TKFC: variants seen among roughly 807,000 people sequenced by gnomAD.
TKFC encodes triokinase and FMN cyclase.
TKFC carries 46 observed loss-of-function variants against 61.0 expected under a neutral mutation model. That is an observed-to-expected ratio of 0.75 (90% CI 0.60 to 0.96). The LOEUF is 0.96. Ranked by LOEUF, TKFC falls within the 50% of genes least tolerant of loss-of-function variation. The pLI, the probability that TKFC is intolerant of heterozygous loss-of-function variation, is 0.00. For synonymous variants in TKFC, 314 were observed against 330.1 expected, an observed-to-expected ratio of 0.95 and a Z score of 0.53; for missense variants, 715 against 777.5, an observed-to-expected ratio of 0.92 and a Z score of 0.96.
rs1385350899 is a variant in TKFC, at chr11:61,345,891, A to C, written c.1520A>C (p.Gln507Pro). 1 of 1,614,142 alleles carries C rather than the reference A, an allele frequency of 6.2e-7. No individual in the cohort carries two copies. Among genetic ancestry groups the C allele is most frequent in the South Asian group, 1.1e-5 (1 of 91,088 alleles). The change falls in exon 17 of 18, where the codon CAA becomes CCA. Residue 507 changes from glutamine (Q) to proline (P), a missense_variant. Physicochemically the swap from Gln to Pro is moderately conservative, Grantham distance 76. Coordinates refer to ENST00000394900, the MANE Select transcript of TKFC (RefSeq NM_015533.4). ...DSLWAAGQELQAWKSPGADLL... is the reference protein window; with the variant it reads ...DSLWAAGQELPAWKSPGADLL... ...CTGTGGGCAGCGGGGCAGGAGCTCC[A>C]AGCCTGGAAGAGCCCAGGAGCTGAT...
At position 61,345,913 on chromosome 11, in the gene TKFC, T is replaced by G; in HGVS notation, c.1542T>G (p.Ala514=). 1.2e-6 allele frequency: 2 copies of G among 1,614,060 alleles called. No homozygotes were observed. The highest frequency in any genetic ancestry group is 1.7e-6 in the Non-Finnish European group (2 of 1,180,030). ...QELQAWKSPG[A]DLLQVLTKAV... ...TCCAAGCCTGGAAGAGCCCAGGAGC[T>G]GATCTGTTACAAGTCCTGACCAAAG... Residue 514 remains alanine, a synonymous_variant, in exon 17 of 18, where the codon GCT becomes GCG. Coordinates refer to ENST00000394900, the MANE Select transcript of TKFC (RefSeq NM_015533.4).
At position 61,343,400 on chromosome 11, in the gene TKFC, G is replaced by T. The variant is rs1410515898; in HGVS notation, c.924G>T (p.Glu308Asp). Residue 308 changes from glutamate (E) to aspartate (D), a missense_variant, in exon 11 of 18, where the codon GAG (glutamate) becomes GAT (aspartate). Physicochemically the swap from Glu to Asp is conservative, Grantham distance 45. Transcript: ENST00000394900. Reference protein sequence around the residue: ...ALVGTFMSALEMPGISLTLLL... With the variant: ...ALVGTFMSALDMPGISLTLLL... ...TGGGCACCTTCATGTCAGCACTGGA[G>T]ATGCCTGGCATTTCTCTCACCCTCC... The T allele has an allele frequency of 2.9e-5, 47 of 1,614,104 alleles. No individual in the cohort carries two copies. Among genetic ancestry groups the T allele is most frequent in the Non-Finnish European group, 3.9e-5 (46 of 1,180,030 alleles).
chr11:61,348,904 G>C lies in TKFC; in HGVS notation c.*2401G>C, dbSNP rs1857268254. The C allele has an allele frequency of 6.6e-6, 1 of 152,566 alleles. No individual in the cohort carries two copies. Among genetic ancestry groups the C allele is most frequent in the African/African-American group, 2.4e-5 (1 of 41,458 alleles). The allele number at this position is 152,566 out of a possible 1,614,324, so 9.5% of individuals were successfully genotyped here. A position where few individuals can be genotyped will look rare whatever the true frequency, so the allele number is the denominator to read the frequency against. On this transcript the variant is annotated 3_prime_UTR_variant, in exon 18 of 18. Coordinates refer to ENST00000394900, the MANE Select transcript of TKFC (RefSeq NM_015533.4). ...GCTGGTCATGGGACCCAGGTGCCTG[G>C]AGGACATCCCAGTGGCTTTGAAGGC...
rs28720246 is a variant in TKFC at position 61,333,324 on chromosome 11, G to T, written c.-115G>T. The T allele has an allele frequency of 2.2e-4, 42 of 190,284 alleles. No homozygotes were observed. In the East Asian group the frequency reaches 4.8e-3, roughly 22 times the overall value. The allele number at this position is 190,284 out of a possible 1,614,324, so 11.8% of individuals were successfully genotyped here. A position where few individuals can be genotyped will look rare whatever the true frequency, so the allele number is the denominator to read the frequency against. The stretch of plus-strand genomic sequence containing the variant: ...TGGCGGATGCGGCCGTGAGCCGGCG[G>T]GGGAGGTGCGCCAGTGTCCTCCGAG... On this transcript the variant is annotated 5_prime_UTR_variant, in exon 1 of 18. Transcript: ENST00000394900.
Position 61,347,363 on chromosome 11 carries a change from A to G in TKFC, c.*860A>G, listed in dbSNP as rs1857180040. On this transcript the variant is annotated 3_prime_UTR_variant, in exon 18 of 18. Coordinates refer to ENST00000394900, the MANE Select transcript of TKFC (RefSeq NM_015533.4). ...TCAAGACCAGTCTGGGCAACATGGT[A>G]AAACCCTGTCTCTACCAAAAAATAC... 1 of 889,416 alleles carries G rather than the reference A, an allele frequency of 1.1e-6. No individual in the cohort carries two copies. Among genetic ancestry groups the G allele is most frequent in the Non-Finnish European group, 1.3e-6 (1 of 742,512 alleles). 55.1% of individuals were successfully genotyped at this position (889,416 alleles called of 1,614,324 possible).
chr11:61,342,490 A>G lies in TKFC; in HGVS notation c.685A>G (p.Ile229Val). The G allele has an allele frequency of 6.2e-7, 1 of 1,614,078 alleles. No individual in the cohort carries two copies. The highest frequency in any genetic ancestry group is 8.5e-7 in the Non-Finnish European group (1 of 1,180,032). ...GIHGEAGVRR[I>V]KMATADEIVK... ...CCACGGGGAAGCTGGTGTGCGCCGG[A>G]TAAAGGTAGGTGGTCCCTCTGGCAC... Residue 229 changes from isoleucine to valine, a missense_variant, in exon 8 of 18, where the codon ATA becomes GTA. Coordinates refer to ENST00000394900, the MANE Select transcript of TKFC (RefSeq NM_015533.4).
chr11:61,341,966 G>A (rs1450450237), intron 7 of TKFC, 54 bp downstream of exon 7: 2 of 1,538,386 alleles, frequency 1.3e-6, no homozygotes, highest in East Asian at 4.5e-5. Context: ...CCTGGACTTT[G>A]CCCACCTTGC....
At chr11:61,345,671 G>A (rs1178443882) in intron 15 of TKFC, 41 bp from the exon 16 acceptor site, 1 of 1,614,138 alleles carries the variant, frequency 6.2e-7, no homozygotes, top group East Asian at 2.2e-5. Context: ...GATTCCCTTG[G>A]TTCCCTATAG....
In TKFC at chr11:61,347,377, A is replaced by C; in HGVS notation, c.*874A>C. 1 of 875,814 alleles carries C rather than the reference A, an allele frequency of 1.1e-6. No individual in the cohort carries two copies. The highest frequency in any genetic ancestry group is 1.4e-6 in the Non-Finnish European group (1 of 730,334). The allele number at this position is 875,814 out of a possible 1,614,324, so 54.3% of individuals were successfully genotyped here. A position where few individuals can be genotyped will look rare whatever the true frequency, so the allele number is the denominator to read the frequency against. On this transcript the variant is annotated 3_prime_UTR_variant, in exon 18 of 18. Transcript: ENST00000394900. The stretch of plus-strand genomic sequence containing the variant: ...GGCAACATGGTAAAACCCTGTCTCT[A>C]CCAAAAAATACAAAATTAGCCAGGC...
At chr11:61,350,361 G>A (rs1031490842), downstream of TKFC, 1 of 1,602,520 alleles carries the variant, frequency 6.2e-7, no homozygotes, top group Non-Finnish European at 8.5e-7. Flanking sequence ...AGCACAGGCT[G>A]CACCACCAGG....
intron 10 of TKFC, chr11:61,343,123 A>G: frequency 3.3e-6 from 2 of 611,844 alleles, no homozygotes; most frequent in Non-Finnish European, 5.8e-6. Flanking sequence ...GCACGAACTG[A>G]GTAAATGAGA....
At chr11:61,350,332 G>C, downstream of TKFC, 1 of 1,576,680 alleles carries the variant, frequency 6.3e-7, no homozygotes, top group Non-Finnish European at 8.6e-7. Flanking sequence ...GCCCTGGGAA[G>C]AGCAGAGCTT....
At position 61,339,040 on chromosome 11, in the gene TKFC, G is replaced by T. The variant is rs368669120; in HGVS notation, c.194-26G>T. 21 of 1,601,038 alleles carry T rather than the reference G, an allele frequency of 1.3e-5. No homozygotes were observed. The African/African-American group carries it at 2.3e-4, about 17-fold the overall frequency. ...TACAGGCGCGAGTCCCACCCAGCAT[G>T]CTCACTCCACTCCTTCCACCTCCAG... is the stretch of plus-strand genomic sequence containing the variant. On this transcript the variant is annotated intron_variant, in intron 3 of 17. Transcript: ENST00000394900.
chr11:61,345,799 AAAG>A, intron 16 of TKFC, 54 bp downstream of exon 16: 1 of 1,614,146 alleles, frequency 6.2e-7, no homozygotes, highest in Admixed American at 1.7e-5. Flanking sequence ...CTGTAAGTCT[AAAG>A]AGCACCCTCG....
downstream of TKFC, chr11:61,351,177 G>C: frequency 1.3e-6 from 2 of 1,583,890 alleles, no homozygotes; most frequent in Non-Finnish European, 1.7e-6. Context: ...GTGAGCCCTC[G>C]AGAGATTTTT....
downstream of TKFC, chr11:61,352,854 T>C: frequency 6.6e-7 from 1 of 1,521,574 alleles, no homozygotes; most frequent in Non-Finnish European, 8.8e-7. Context: ...TTCTGTTACC[T>C]TCCAGATCAG....
intron 6 of TKFC, 75 bp from the exon 7 acceptor site, chr11:61,341,748 G>C: frequency 1.4e-6 from 2 of 1,438,134 alleles, no homozygotes; most frequent in Non-Finnish European, 2.0e-6. Context: ...GGGCCTCTGA[G>C]ATGCTGCTGC....
In TKFC at chr11:61,345,509, G is replaced by T; in HGVS notation, c.1395G>T (p.Lys465Asn). Reference protein sequence around the residue: ...LTAAAQPLKAKTSLPAWSAAM... With the variant: ...LTAAAQPLKANTSLPAWSAAM... ...CGGCTGCACAGCCCCTGAAGGCCAA[G>T]ACCAGCCTCCCAGCCTGGTCTGCTG... Residue 465 changes from lysine to asparagine, a missense_variant, in exon 15 of 18, where the codon AAG becomes AAT. By Grantham distance (94) the Lys-to-Asn change is moderately conservative. Coordinates refer to ENST00000394900, the MANE Select transcript of TKFC (RefSeq NM_015533.4). 6.2e-7 allele frequency: 1 copy of T among 1,613,358 alleles called. No homozygotes were observed. The highest frequency in any genetic ancestry group is 8.5e-7 in the Non-Finnish European group (1 of 1,180,034).
chr11:61,338,527 C>T (rs906168282), intron 3 of TKFC, among the ~76,000 whole-genome samples: 11 of 152,186 alleles, frequency 7.2e-5, no homozygotes, highest in Non-Finnish European at 1.3e-4. Flanking sequence ...GGCTTCTTTC[C>T]TGTGTGGAGC....
Sources: gnomAD v4.1 joint callset for allele counts (sites outside exome capture counted in the v4.1 genomes callset) on GRCh38, gnomAD v4.1.1 for gene constraint, MANE v1.5 for transcripts, NCBI Gene and HGNC (gene_info 2026-07-23, HGNC 2026-07-21) for gene names.